SNTG2: variants seen among roughly 807,000 people sequenced by gnomAD.
The protein encoded by SNTG2 is syntrophin gamma 2.
In SNTG2, 74 loss-of-function variants were observed where a neutral mutation model predicts 70.9. That is an observed-to-expected ratio of 1.04 (90% CI 0.86 to 1.27). The LOEUF is 1.27. Ranked by LOEUF, SNTG2 falls within the 50% of genes most tolerant of loss-of-function variation. The probability of loss-of-function intolerance (pLI) is 0.00; values close to 1 mark genes in which losing one functional copy is unlikely to be tolerated. For missense variants in SNTG2, 717 were observed against 690.7 expected, an observed-to-expected ratio of 1.04 and a Z score of -0.43; for synonymous variants, 278 against 273.8, an observed-to-expected ratio of 1.02 and a Z score of -0.15.
In SNTG2 at chr2:1,364,737, CAAAA is replaced by C. The variant is rs371977526; in HGVS notation, c.1489-2586_1489-2583del. On this transcript the variant is annotated intron_variant, in intron 16 of 16. Coordinates refer to ENST00000308624, the MANE Select transcript of SNTG2 (RefSeq NM_018968.4). ...GAAACACCATCTCTACTAAAAATAC[CAAAA>C]AAAAAAAAAAAAAAAAAAATTAGCT... Among the ~76,000 whole-genome samples, 666 of 131,988 alleles carry C rather than the reference CAAAA, an allele frequency of 5.0e-3. 5 individuals are homozygous for C. Among genetic ancestry groups the C allele is most frequent in the Non-Finnish European group, 6.5e-3 (414 of 63,238 alleles). 86.6% of individuals were successfully genotyped at this position (131,988 alleles called of 152,430 possible).
chr2:981,405 GACAC>G (rs1312894002), intron 1 of SNTG2, among the ~76,000 whole-genome samples: 1 of 151,866 alleles, frequency 6.6e-6, no homozygotes, highest in Admixed American at 6.6e-5. Flanking sequence ...TGCATGTGCA[GACAC>G]ACACTTCCAC....
intron 1 of SNTG2, among the ~76,000 whole-genome samples, chr2:1,031,233 G>C (rs1471954279): frequency 7.2e-5 from 11 of 151,938 alleles, no homozygotes; most frequent in Admixed American, 7.2e-4. Context: ...TGGACTTTAC[G>C]TGCAGAGGGT....
chr2:953,164 G>C (rs2147937527), intron 1 of SNTG2, among the ~76,000 whole-genome samples: 1 of 152,232 alleles, frequency 6.6e-6, no homozygotes, highest in East Asian at 1.9e-4. Context: ...CCTTTCAAGT[G>C]CCTGTTCCCG....
At chr2:1,335,113 C>A (rs1210126998) in intron 16 of SNTG2, among the ~76,000 whole-genome samples, 1 of 152,182 alleles carries the variant, frequency 6.6e-6, no homozygotes, top group Non-Finnish European at 1.5e-5. Context: ...TGGGGCCCAG[C>A]CACTGTGACC....
intron 16 of SNTG2, among the ~76,000 whole-genome samples, chr2:1,320,574 GAA>G (rs1337509919): frequency 6.8e-6 from 1 of 146,964 alleles, no homozygotes; most frequent in African/African-American, 2.5e-5. Flanking sequence ...AGAAAAGAAA[GAA>G]AAAAATCACG....
intron 16 of SNTG2, among the ~76,000 whole-genome samples, chr2:1,319,927 T>C (rs1681443975): frequency 6.6e-6 from 1 of 152,202 alleles, no homozygotes; most frequent in Non-Finnish European, 1.5e-5. Flanking sequence ...CTCATAGCTA[T>C]TGCAAATCTT....
chr2:1,004,317 G>T (rs1204231924), intron 1 of SNTG2, among the ~76,000 whole-genome samples: 1 of 152,122 alleles, frequency 6.6e-6, no homozygotes, highest in Non-Finnish European at 1.5e-5. Context: ...ATCCATGAAA[G>T]AAATAACTGC....
intron 1 of SNTG2, among the ~76,000 whole-genome samples, chr2:1,025,046 C>A (rs1287266170): frequency 6.6e-6 from 1 of 152,064 alleles, no homozygotes; most frequent in African/African-American, 2.4e-5. Context: ...TATGAAACAC[C>A]CCCACTCACA....
At chr2:1,209,355 T>C in intron 9 of SNTG2, 125 bp downstream of exon 9, 1 of 1,173,088 alleles carries the variant, frequency 8.5e-7, no homozygotes, top group Admixed American at 2.2e-5. Flanking sequence ...TGCTGTCTTC[T>C]GGTAGATTTA....
intron 1 of SNTG2, among the ~76,000 whole-genome samples, chr2:960,284 G>C (rs1660303574): frequency 6.6e-6 from 1 of 152,226 alleles, no homozygotes; most frequent in South Asian, 2.1e-4. Context: ...TCCCTGGTAG[G>C]ATCCCACAGT....
intron 1 of SNTG2, among the ~76,000 whole-genome samples, chr2:998,343 T>G (rs1395067953): frequency 2.0e-5 from 3 of 151,938 alleles, no homozygotes; most frequent in Non-Finnish European, 4.4e-5. Flanking sequence ...AAACTATTGA[T>G]TCTAGAGAAA....
chr2:1,309,111 A>G (rs574961226), intron 15 of SNTG2, among the ~76,000 whole-genome samples: 1 of 152,238 alleles, frequency 6.6e-6, no homozygotes, highest in East Asian at 1.9e-4. Context: ...TTTAAAACCT[A>G]CTCTCTGTGT....
At chr2:1,264,476 C>T (rs778498506) in intron 13 of SNTG2, among the ~76,000 whole-genome samples, 3 of 152,210 alleles carry the variant, frequency 2.0e-5, no homozygotes, top group Non-Finnish European at 4.4e-5. Context: ...GGGACCCACA[C>T]GAAGTGCCAC....
At chr2:997,602 A>G (rs1292757504) in intron 1 of SNTG2, among the ~76,000 whole-genome samples, 3 of 152,056 alleles carry the variant, frequency 2.0e-5, no homozygotes, top group African/African-American at 4.8e-5. Context: ...CATGACAGAG[A>G]CAGAACTAGA....
intron 1 of SNTG2, among the ~76,000 whole-genome samples, chr2:1,016,572 C>T (rs940635820): frequency 1.3e-5 from 2 of 152,172 alleles, no homozygotes; most frequent in Admixed American, 6.5e-5. Flanking sequence ...GAGTTGCAGC[C>T]CTCAGGCTGG....
At chr2:1,015,119 G>A (rs1229105927) in intron 1 of SNTG2, among the ~76,000 whole-genome samples, 1 of 152,170 alleles carries the variant, frequency 6.6e-6, no homozygotes, top group Non-Finnish European at 1.5e-5. Flanking sequence ...GAAAAACTGA[G>A]TTGCCAGGTG....
At chr2:1,110,578 C>T (rs966647337) in intron 4 of SNTG2, among the ~76,000 whole-genome samples, 1 of 152,128 alleles carries the variant, frequency 6.6e-6, no homozygotes, top group Non-Finnish European at 1.5e-5. Flanking sequence ...GTGATGAATG[C>T]CCCCATTGTC....
intron 14 of SNTG2, among the ~76,000 whole-genome samples, chr2:1,305,065 T>C (rs1680616751): frequency 6.6e-6 from 1 of 152,202 alleles, no homozygotes; most frequent in African/African-American, 2.4e-5. Flanking sequence ...CCCAGAGCTG[T>C]GGTCTACAGT....
intron 1 of SNTG2, among the ~76,000 whole-genome samples, chr2:959,319 G>A (rs1414476157): frequency 1.3e-5 from 2 of 152,170 alleles, no homozygotes; most frequent in East Asian, 1.9e-4. Context: ...TTGAATTGAG[G>A]AGAGGACCAG....
Sources: gnomAD v4.1 joint callset for allele counts (sites outside exome capture counted in the v4.1 genomes callset) on GRCh38, gnomAD v4.1.1 for gene constraint, MANE v1.5 for transcripts, NCBI Gene and HGNC (gene_info 2026-07-23, HGNC 2026-07-21) for gene names.